The following UBE3C variants were observed in gnomAD, a reference collection of about 807,000 sequenced individuals.
The protein encoded by UBE3C is ubiquitin-protein ligase E3C.
A neutral mutation model predicts 129.4 loss-of-function variants in UBE3C; 42 were observed. That is an observed-to-expected ratio of 0.32 (90% CI 0.25 to 0.42). UBE3C has a LOEUF of 0.42. Among genes scored for constraint, UBE3C ranks in the 10% least tolerant of loss-of-function variants. UBE3C has a pLI of 1.00. For missense variants in UBE3C, 1,049 were observed against 1,319.1 expected, an observed-to-expected ratio of 0.80 and a Z score of 3.17; for synonymous variants, 510 against 492.4, an observed-to-expected ratio of 1.04 and a Z score of -0.47.
At chr7:157,267,460 C>T (rs1245919295) in intron 22 of UBE3C, 125 bp from the exon 23 acceptor site, 2 of 1,203,864 alleles carry the variant, frequency 1.7e-6, no homozygotes, top group Admixed American at 2.3e-5. Flanking sequence ...AATGTGGTTT[C>T]GGGAAAATGT....
intron 10 of UBE3C, among the ~76,000 whole-genome samples, chr7:157,199,194 CAACTG>C (rs1393082546): frequency 6.6e-6 from 1 of 152,192 alleles, no homozygotes; most frequent in Non-Finnish European, 1.5e-5. Context: ...CTCAATTTCT[CAACTG>C]AAGAGAAAAT....
Position 157,173,727 on chromosome 7 carries a change from C to G in UBE3C, c.343-1192C>G, listed in dbSNP as rs544147979. On this transcript the variant is annotated intron_variant, in intron 4 of 22. Coordinates refer to ENST00000348165, the MANE Select transcript of UBE3C (RefSeq NM_014671.3). ...TATATAATGTATAGTTATTTTACAT[C>G]TTATTTGTTAACTGATAATAGAAAT... Among the ~76,000 whole-genome samples the G allele has an allele frequency of 5.3e-5, 8 of 152,226 alleles. 1 individual carries two copies. In the South Asian group the frequency reaches 1.7e-3, roughly 32 times the overall value.
At chr7:157,168,485 T>C (rs551177326) in intron 2 of UBE3C, among the ~76,000 whole-genome samples, 20 of 152,328 alleles carry the variant, frequency 1.3e-4, no homozygotes, top group East Asian at 1.9e-4. Context: ...ACAAAACTTA[T>C]ATATGAATGT....
chr7:157,191,904 T>C (rs1176862801), intron 10 of UBE3C, among the ~76,000 whole-genome samples: 1 of 152,230 alleles, frequency 6.6e-6, no homozygotes, highest in Non-Finnish European at 1.5e-5. Context: ...ATTTCATAGC[T>C]GCTTTTATTA....
At chr7:157,202,809 C>T (rs1042635945) in intron 11 of UBE3C, among the ~76,000 whole-genome samples, 1 of 152,216 alleles carries the variant, frequency 6.6e-6, no homozygotes, top group Admixed American at 6.5e-5. Context: ...CTGTTACTGA[C>T]TCCATGCTGT....
chr7:157,208,392 TAAGAA>T (rs79055384), intron 13 of UBE3C, among the ~76,000 whole-genome samples: 15,452 of 152,146 alleles, frequency 0.1, 886 homozygotes, highest in African/African-American at 0.14. Context: ...CCTTTTTAAT[TAAGAA>T]AAGTAATTTT....
intron 6 of UBE3C, among the ~76,000 whole-genome samples, chr7:157,179,414 G>A (rs1808610587): frequency 6.6e-6 from 1 of 152,120 alleles, no homozygotes; most frequent in Admixed American, 6.5e-5. Context: ...CTCCTAAAAT[G>A]ACTGCATCGT....
chr7:157,262,586 T>A (rs1375572067), intron 22 of UBE3C, among the ~76,000 whole-genome samples: 1 of 151,726 alleles, frequency 6.6e-6, no homozygotes, highest in African/African-American at 2.4e-5. Flanking sequence ...CCCCAGCTAA[T>A]TTTTTTGCAT....
At chr7:157,249,124 T>C (rs893215582) in intron 19 of UBE3C, among the ~76,000 whole-genome samples, 4 of 152,194 alleles carry the variant, frequency 2.6e-5, no homozygotes, top group African/African-American at 7.2e-5. Context: ...CTGCCCTTTT[T>C]AGTACATGAT....
chr7:157,140,043 CA>C, intron 1 of UBE3C: 1 of 985,264 alleles, frequency 1.0e-6, no homozygotes, highest in African/African-American at 1.7e-5. Context: ...TAAGGGTAGG[CA>C]AACCATGACG....
intron 2 of UBE3C, chr7:157,164,572 C>T (rs946068861): frequency 2.3e-5 from 9 of 396,730 alleles, no homozygotes; most frequent in South Asian, 5.5e-5. Context: ...GTTTATCCTA[C>T]GTTATATCTT....
intron 18 of UBE3C, 149 bp from the exon 19 acceptor site, chr7:157,248,219 C>T: frequency 1.4e-6 from 1 of 697,918 alleles, no homozygotes. Context: ...AGTACCTGCC[C>T]ACTGAATATC....
rs981549532 is a variant in UBE3C at position 157,164,908 on chromosome 7, G to T, written c.120+1045G>T. The stretch of plus-strand genomic sequence containing the variant: ...GTGTTTAGGGGAAGGGCTCTCTGAG[G>T]TGGTTACAGTGAAAAGAGTTTAGGC... On this transcript the variant is annotated intron_variant, in intron 2 of 22. Coordinates refer to ENST00000348165, the MANE Select transcript of UBE3C (RefSeq NM_014671.3). Among the ~76,000 whole-genome samples, 8 of 152,294 alleles carry T rather than the reference G, an allele frequency of 5.3e-5. No homozygotes were observed. In the South Asian group the frequency reaches 1.2e-3, roughly 24 times the overall value.
rs58070039 is a variant in UBE3C, at chr7:157,264,462, TAC to T, written c.3082-3108_3082-3107del. 1.5e-3 allele frequency among the ~76,000 whole-genome samples: 137 copies of T among 91,720 alleles called. 1 individual carries two copies. The highest frequency in any genetic ancestry group is 4.0e-3 in the African/African-American group (100 of 25,138). 60.2% of individuals were successfully genotyped at this position (91,720 alleles called of 152,430 possible). ...GTGTGAGCCAACATGCTCGGCCTGT[TAC>T]ACACACACACACACCTGGTACTACA... On this transcript the variant is annotated intron_variant, in intron 22 of 22. Coordinates refer to ENST00000348165, the MANE Select transcript of UBE3C (RefSeq NM_014671.3).
chr7:157,171,282 C>A (rs1296405515), intron 4 of UBE3C, among the ~76,000 whole-genome samples: 1 of 151,988 alleles, frequency 6.6e-6, no homozygotes, highest in Non-Finnish European at 1.5e-5. Context: ...GTGTTACCAA[C>A]ATGCCTGGCT....
chr7:157,224,565 CTTTG>C (rs1164221817), intron 16 of UBE3C, among the ~76,000 whole-genome samples: 5 of 152,148 alleles, frequency 3.3e-5, no homozygotes, highest in Non-Finnish European at 5.9e-5. Flanking sequence ...ATGTACAAAA[CTTTG>C]TTTATATATG....
intron 4 of UBE3C, among the ~76,000 whole-genome samples, chr7:157,174,373 G>A (rs1480800378): frequency 1.3e-5 from 2 of 152,160 alleles, no homozygotes; most frequent in Non-Finnish European, 2.9e-5. Flanking sequence ...ATTGACATGA[G>A]CTTTAAGTGT....
intron 6 of UBE3C, among the ~76,000 whole-genome samples, chr7:157,179,167 C>T (rs577666196): frequency 6.6e-6 from 1 of 151,986 alleles, no homozygotes; most frequent in African/African-American, 2.4e-5. Context: ...AGCTGCCGGT[C>T]CTTCACCTGA....
intron 2 of UBE3C, among the ~76,000 whole-genome samples, chr7:157,166,217 A>G (rs970238696): frequency 6.6e-6 from 1 of 152,230 alleles, no homozygotes. Flanking sequence ...GATTATTTCA[A>G]AAGACCTGTC....
Sources: gnomAD v4.1 joint callset for allele counts (sites outside exome capture counted in the v4.1 genomes callset) on GRCh38, gnomAD v4.1.1 for gene constraint, MANE v1.5 for transcripts, NCBI Gene and HGNC (gene_info 2026-07-23, HGNC 2026-07-21) for gene names.